The following GRXCR2 variants were observed in gnomAD, a reference collection of about 807,000 sequenced individuals.
GRXCR2 encodes glutaredoxin and cysteine rich domain containing 2, also known as glutaredoxin domain-containing cysteine-rich protein 2.
In GRXCR2, 23 loss-of-function variants were observed where a neutral mutation model predicts 24.8. That is an observed-to-expected ratio of 0.93 (90% CI 0.67 to 1.32). GRXCR2 has a LOEUF of 1.32. GRXCR2 is among the 40% of genes most tolerant of loss of function. GRXCR2 has a pLI of 0.00. For missense variants in GRXCR2, 315 were observed against 303.4 expected, an observed-to-expected ratio of 1.04 and a Z score of -0.28; for synonymous variants, 130 against 116.1, an observed-to-expected ratio of 1.12 and a Z score of -0.77.
intron 2 of GRXCR2, among the ~76,000 whole-genome samples, chr5:145,863,315 C>A (rs1756372517): frequency 6.6e-6 from 1 of 152,182 alleles, no homozygotes; most frequent in South Asian, 2.1e-4. Flanking sequence ...ATTGGGCAAA[C>A]AAATAGCAAT....
chr5:145,881,677 T>C (rs562119020), intron 2 of GRXCR2, among the ~76,000 whole-genome samples: 8 of 152,110 alleles, frequency 5.3e-5, no homozygotes, highest in Non-Finnish European at 1.0e-4. Context: ...TACTTTAAAG[T>C]TCATATGGAA....
At chr5:145,916,739 G>A (rs1210097633) in intron 2 of GRXCR2, among the ~76,000 whole-genome samples, 1 of 152,132 alleles carries the variant, frequency 6.6e-6, no homozygotes, top group African/African-American at 2.4e-5. Context: ...ATATTAACTT[G>A]AGGAAATCAC....
chr5:145,887,905 G>A (rs952966116), intron 2 of GRXCR2, among the ~76,000 whole-genome samples: 3 of 152,096 alleles, frequency 2.0e-5, no homozygotes, highest in Non-Finnish European at 4.4e-5. Flanking sequence ...ATAACTTCTA[G>A]GGAAATCACA....
intron 2 of GRXCR2, among the ~76,000 whole-genome samples, chr5:145,882,795 G>C (rs1293077153): frequency 1.3e-5 from 2 of 152,036 alleles, no homozygotes; most frequent in African/African-American, 4.8e-5. Flanking sequence ...GTGATAGACT[G>C]GATTAAGAAA....
rs564257529 is a variant in GRXCR2, at chr5:145,922,783, G to A, written c.-70+12918C>T. On this transcript the variant is annotated intron_variant, in intron 2 of 3. Transcript: ENST00000639411. Reference sequence around the variant, plus strand: ...CCTTAGTCTAAAACATAGTCTAGCTGAGCCCAGAAGACTGGTAACAAAACC... The same window carrying A: ...CCTTAGTCTAAAACATAGTCTAGCTAAGCCCAGAAGACTGGTAACAAAACC... Among the ~76,000 whole-genome samples the A allele has an allele frequency of 3.3e-5, 5 of 152,290 alleles. No individual in the cohort carries two copies. In the South Asian group the frequency reaches 6.2e-4, roughly 19 times the overall value.
chr5:145,925,559 T>G lies in GRXCR2; in HGVS notation c.-70+10142A>C, dbSNP rs142042337. On this transcript the variant is annotated intron_variant, in intron 2 of 3. Coordinates refer to the GRXCR2 transcript ENST00000639411. ...TTCTCCCTAGGAATGCAATAAGAATTCCAAACACAAATGAGTCATCCTCAT... is the reference window on the plus strand; with the variant it reads ...TTCTCCCTAGGAATGCAATAAGAATGCCAAACACAAATGAGTCATCCTCAT... Among the ~76,000 whole-genome samples the G allele has an allele frequency of 2.9e-3, 437 of 152,202 alleles. 5 individuals are homozygous for G. Among genetic ancestry groups the G allele is most frequent in the African/African-American group, 9.8e-3 (408 of 41,550 alleles).
chr5:145,884,425 G>C (rs1233380306), intron 2 of GRXCR2, among the ~76,000 whole-genome samples: 1 of 152,028 alleles, frequency 6.6e-6, no homozygotes, highest in African/African-American at 2.4e-5. Flanking sequence ...ATTAATATCA[G>C]AAGGAACTAG....
At chr5:145,860,489 T>C (rs1756316953) in intron 2 of GRXCR2, among the ~76,000 whole-genome samples, 1 of 152,206 alleles carries the variant, frequency 6.6e-6, no homozygotes, top group African/African-American at 2.4e-5. Context: ...GAATTCATGC[T>C]CCTAATGCCT....
chr5:145,887,827 T>C (rs1219523115), intron 2 of GRXCR2, among the ~76,000 whole-genome samples: 1 of 152,200 alleles, frequency 6.6e-6, no homozygotes, highest in African/African-American at 2.4e-5. Context: ...ATCATAACTG[T>C]TTCAGAAAGC....
chr5:145,924,586 G>A (rs986005425), intron 2 of GRXCR2, among the ~76,000 whole-genome samples: 19 of 152,220 alleles, frequency 1.2e-4, no homozygotes, highest in African/African-American at 3.9e-4. Context: ...AAGTATTGAC[G>A]TTTTTATTTA....
intron 2 of GRXCR2, among the ~76,000 whole-genome samples, chr5:145,879,998 G>C (rs531922437): frequency 6.6e-6 from 1 of 152,310 alleles, no homozygotes; most frequent in African/African-American, 2.4e-5. Flanking sequence ...AAATCAATGA[G>C]AGCAAAGACA....
intron 2 of GRXCR2, among the ~76,000 whole-genome samples, chr5:145,913,191 A>G (rs2149926206): frequency 6.6e-6 from 1 of 152,322 alleles, no homozygotes; most frequent in East Asian, 1.9e-4. Flanking sequence ...CCACCAACCA[A>G]AAGACAAACT....
At chr5:145,881,290 C>CA (rs2149915477) in intron 2 of GRXCR2, among the ~76,000 whole-genome samples, 1 of 152,354 alleles carries the variant, frequency 6.6e-6, no homozygotes, top group South Asian at 2.1e-4. Context: ...CCTATTGTCT[C>CA]AGCCCAAAAT....
At chr5:145,930,815 C>A (rs1429527811) in intron 2 of GRXCR2, among the ~76,000 whole-genome samples, 1 of 152,192 alleles carries the variant, frequency 6.6e-6, no homozygotes, top group Non-Finnish European at 1.5e-5. Context: ...AAGAAGCCTA[C>A]ATCTATTAAG....
chr5:145,893,841 C>T (rs1756907614), intron 2 of GRXCR2, among the ~76,000 whole-genome samples: 1 of 152,182 alleles, frequency 6.6e-6, no homozygotes, highest in Admixed American at 6.5e-5. Context: ...TTCTTTTCAG[C>T]ACCACACCAT....
At chr5:145,923,425 G>C in intron 2 of GRXCR2, among the ~76,000 whole-genome samples, 1 of 152,142 alleles carries the variant, frequency 6.6e-6, no homozygotes, top group East Asian at 1.9e-4. Flanking sequence ...TGAAAATCAA[G>C]CGGTTTCACA....
chr5:145,930,337 G>C (rs535834695), intron 2 of GRXCR2, among the ~76,000 whole-genome samples: 1 of 152,028 alleles, frequency 6.6e-6, no homozygotes, highest in South Asian at 2.1e-4. Flanking sequence ...CGCCCACCTC[G>C]GCCTCCCAAA....
At chr5:145,917,069 T>G (rs1477803916) in intron 2 of GRXCR2, among the ~76,000 whole-genome samples, 1 of 151,792 alleles carries the variant, frequency 6.6e-6, no homozygotes, top group Admixed American at 6.6e-5. Context: ...CATCTTTTTT[T>G]TTTTTTTTGA....
chr5:145,896,255 T>C (rs1191286939), intron 2 of GRXCR2, among the ~76,000 whole-genome samples: 1 of 152,078 alleles, frequency 6.6e-6, no homozygotes, highest in Non-Finnish European at 1.5e-5. Flanking sequence ...CCAAAAGCAA[T>C]GGCAACAAAA....
Sources: gnomAD v4.1 joint callset for allele counts (sites outside exome capture counted in the v4.1 genomes callset) on GRCh38, gnomAD v4.1.1 for gene constraint, MANE v1.5 for transcripts, NCBI Gene and HGNC (gene_info 2026-07-23, HGNC 2026-07-21) for gene names.